Variants in TMX4 observed in about 807,000 individuals in gnomAD.
TMX4 encodes the protein thioredoxin-related transmembrane protein 4.
Under a neutral mutation model 33.3 loss-of-function variants are expected in TMX4, and 23 were observed. The ratio of observed to expected loss-of-function variants is 0.69; its 90% CI spans 0.50 to 0.98. TMX4 has a LOEUF of 0.98. Ranked by LOEUF, TMX4 falls within the 50% of genes least tolerant of loss-of-function variation. The pLI is 0.00. For synonymous variants in TMX4, 164 were observed against 161.5 expected (o/e 1.02, Z -0.12); for missense variants, 399 against 448.9 (o/e 0.89, Z 1.01).
rs116534456 is a variant in TMX4, at chr20:8,013,680, C to T, written c.177-3365G>A. ...ACTTACTGAATTTGGTTTAAGATTT[C>T]ATTAGGTGTGCTAAATATTTCAGAG... On this transcript the variant is annotated intron_variant, in intron 1 of 7. Coordinates refer to ENST00000246024, the MANE Select transcript of TMX4 (RefSeq NM_021156.4). 3.0e-3 allele frequency: 464 copies of T among 152,274 alleles called. 4 individuals are homozygous for T. Among genetic ancestry groups the T allele is most frequent in the African/African-American group, 0.011 (443 of 41,550 alleles). 9.4% of individuals were successfully genotyped at this position (152,274 alleles called of 1,614,324 possible).
In TMX4 at chr20:8,017,200, T is replaced by C. The variant is rs925512467; in HGVS notation, c.176+2238A>G. 2.6e-5 allele frequency among the ~76,000 whole-genome samples: 4 copies of C among 152,168 alleles called. No homozygotes were observed. The East Asian group carries it at 7.7e-4, about 29-fold the overall frequency. ...CAAAATATTTCTTCAGGATGAGCAC[T>C]TGGGTTTTAGTGCGTATAAAGAAGT... On this transcript the variant is annotated intron_variant, in intron 1 of 7. Transcript: ENST00000246024.
intron 3 of TMX4, among the ~76,000 whole-genome samples, chr20:8,001,247 AC>A (rs1199724504): frequency 6.6e-6 from 1 of 152,088 alleles, no homozygotes; most frequent in Non-Finnish European, 1.5e-5. Flanking sequence ...ATTAAGAATT[AC>A]CCCACCTCTG....
chr20:8,016,081 G>A (rs894312469), intron 1 of TMX4, among the ~76,000 whole-genome samples: 4 of 152,190 alleles, frequency 2.6e-5, no homozygotes, highest in Non-Finnish European at 4.4e-5. Context: ...TGAGAGCCAA[G>A]CAAATGTTGA....
intron 1 of TMX4, among the ~76,000 whole-genome samples, chr20:8,015,903 G>T (rs1478666242): frequency 6.6e-6 from 1 of 152,146 alleles, no homozygotes; most frequent in Non-Finnish European, 1.5e-5. Context: ...GCTTTACAGA[G>T]GTAAACTAAC....
At position 8,019,581 on chromosome 20, in the gene TMX4, C is replaced by A. The variant is rs765451645; in HGVS notation, c.33G>T (p.Thr11=). The change falls in exon 1 of 8, where the codon ACG becomes ACT. Residue 11 remains threonine (T), a synonymous_variant. Transcript: ENST00000246024. MAGGRCGPQL[T]ALLAAWIAAV... ...CCGCGATCCAGGCGGCCAGGAGCGC[C>A]GTTAGCTGCGGGCCGCAGCGCCCAC... The A allele has an allele frequency of 7.2e-7, 1 of 1,380,938 alleles. No individual in the cohort carries two copies. Among genetic ancestry groups the A allele is most frequent in the Non-Finnish European group, 9.3e-7 (1 of 1,070,400 alleles). 85.5% of individuals were successfully genotyped at this position (1,380,938 alleles called of 1,614,324 possible).
intron 4 of TMX4, among the ~76,000 whole-genome samples, chr20:7,997,672 C>T (rs1360303692): frequency 2.6e-5 from 4 of 152,290 alleles, no homozygotes; most frequent in East Asian, 1.9e-4. Context: ...GCAAGACTTG[C>T]GTCAAAAATA....
At chr20:8,010,164 T>C (rs2050747016) in intron 2 of TMX4, 36 bp downstream of exon 2, 1 of 1,561,940 alleles carries the variant, frequency 6.4e-7, no homozygotes. Context: ...AAAAAGTCGG[T>C]AAACTTTTGC....
chr20:7,983,884 T>C, intron 6 of TMX4, 27 bp from the exon 7 acceptor site: 1 of 1,582,438 alleles, frequency 6.3e-7, no homozygotes, highest in East Asian at 2.2e-5. Flanking sequence ...GATTTTACAG[T>C]GAATAGATAG....
intron 5 of TMX4, among the ~76,000 whole-genome samples, chr20:7,990,161 G>T (rs1239543242): frequency 6.6e-6 from 1 of 152,088 alleles, no homozygotes; most frequent in East Asian, 1.9e-4. Flanking sequence ...GGGGCTTGGT[G>T]GCAGGCGCCT....
At position 7,982,337 on chromosome 20, in the gene TMX4, A is replaced by G. The variant is rs1455513040; in HGVS notation, c.964T>C (p.Ser322Pro). The change falls in exon 8 of 8, where the codon TCT becomes CCT. Residue 322 changes from serine to proline, a missense_variant. Transcript: ENST00000246024. ...VEPEEAEEGI[S>P]EQPCPADTEV... ...GTGTCAGCTGGGCAGGGTTGCTCAG[A>G]GATGCCTTCTTCAGCCTCCTCAGGC... 2 of 1,614,102 alleles carry G rather than the reference A, an allele frequency of 1.2e-6. No individual in the cohort carries two copies. The highest frequency in any genetic ancestry group is 3.3e-5 in the Admixed American group (2 of 60,006).
At chr20:7,988,705 T>G (rs892589991) in intron 5 of TMX4, among the ~76,000 whole-genome samples, 1 of 152,206 alleles carries the variant, frequency 6.6e-6, no homozygotes, top group Non-Finnish European at 1.5e-5. Context: ...GTCATCAGTG[T>G]GTGTTTAGCC....
At chr20:7,990,125 T>A (rs976147120) in intron 5 of TMX4, among the ~76,000 whole-genome samples, 2 of 152,062 alleles carry the variant, frequency 1.3e-5, no homozygotes, top group African/African-American at 4.8e-5. Context: ...TGAAACCCTG[T>A]CTCTAACAAA....
chr20:8,004,040 C>G (rs917810645), intron 2 of TMX4, among the ~76,000 whole-genome samples: 1 of 151,486 alleles, frequency 6.6e-6, no homozygotes, highest in Admixed American at 6.6e-5. Context: ...TCAACAACAA[C>G]AAGATCCAGA....
rs1231289640 is a variant in TMX4, at chr20:7,982,537, T to A, written c.764A>T (p.Glu255Val). Residue 255 changes from glutamate (E) to valine (V), a missense_variant, in exon 8 of 8, where the codon GAA becomes GTA. Glu to Val is a moderately radical substitution (Grantham distance 121). Transcript: ENST00000246024. ...EEEKDDSNEE[E>V]NKDSLVDDEE... The stretch of plus-strand genomic sequence containing the variant: ...ATCATCTACAAGGCTGTCTTTGTTT[T>A]CTTCTTCATTTGAATCATCTTTTTC... 1 of 1,614,008 alleles carries A rather than the reference T, an allele frequency of 6.2e-7. No individual in the cohort carries two copies. Among genetic ancestry groups the A allele is most frequent in the East Asian group, 2.2e-5 (1 of 44,858 alleles).
chr20:7,988,270 A>G (rs888406837), intron 5 of TMX4, among the ~76,000 whole-genome samples: 1 of 152,368 alleles, frequency 6.6e-6, no homozygotes, highest in Non-Finnish European at 1.5e-5. Context: ...AAATATCATC[A>G]GCAAGAGAGG....
intron 2 of TMX4, among the ~76,000 whole-genome samples, chr20:8,009,433 C>A (rs941293765): frequency 2.6e-5 from 4 of 152,006 alleles, no homozygotes; most frequent in Non-Finnish European, 5.9e-5. Context: ...GATCTTAAAA[C>A]CCCAAAAAAT....
intron 2 of TMX4, among the ~76,000 whole-genome samples, chr20:8,006,391 C>T (rs1192203581): frequency 6.6e-6 from 1 of 152,146 alleles, no homozygotes; most frequent in Non-Finnish European, 1.5e-5. Context: ...TTAAATTTTA[C>T]TTACAGGGAA....
At chr20:8,018,093 C>G (rs1207652710) in intron 1 of TMX4, among the ~76,000 whole-genome samples, 1 of 151,618 alleles carries the variant, frequency 6.6e-6, no homozygotes, top group Non-Finnish European at 1.5e-5. Context: ...CCATAGGCAC[C>G]TGCTTGCAAT....
chr20:7,982,760 G>T, intron 7 of TMX4, 139 bp from the exon 8 acceptor site: 1 of 984,232 alleles, frequency 1.0e-6, no homozygotes, highest in Non-Finnish European at 1.5e-6. Flanking sequence ...ATATAGGACA[G>T]ATTCTCTGGT....
Sources: gnomAD v4.1 joint callset for allele counts (sites outside exome capture counted in the v4.1 genomes callset) on GRCh38, gnomAD v4.1.1 for gene constraint, MANE v1.5 for transcripts, NCBI Gene and HGNC (gene_info 2026-07-23, HGNC 2026-07-21) for gene names.